EVC2: variants seen among roughly 807,000 people sequenced by gnomAD.
EVC2 encodes EvC ciliary complex subunit 2.
A neutral mutation model predicts 149.3 loss-of-function variants in EVC2; 148 were observed. That is an observed-to-expected ratio of 0.99 (90% CI 0.87 to 1.14). EVC2 has a LOEUF of 1.14. Among genes scored for constraint, EVC2 ranks in the 50% most tolerant of loss-of-function variants. The pLI is 0.00. For missense variants in EVC2, 1,854 were observed against 1,627.3 expected, an observed-to-expected ratio of 1.14 and a Z score of -2.40; for synonymous variants, 776 against 649.9, an observed-to-expected ratio of 1.19 and a Z score of -2.95.
chr4:5,708,802 CCCA>C (rs1560246578), upstream of EVC2: 1 of 322,942 alleles, frequency 3.1e-6, no homozygotes, highest in Non-Finnish European at 5.6e-6. Flanking sequence ...TTACCAGGAC[CCCA>C]AGGGCCCCTC....
At chr4:5,665,278 G>T (rs745973197) in intron 8 of EVC2, among the ~76,000 whole-genome samples, 1 of 152,062 alleles carries the variant, frequency 6.6e-6, no homozygotes, top group Non-Finnish European at 1.5e-5. Context: ...CCTAGGAATC[G>T]CCACTGGACT....
At chr4:5,607,373 A>G (rs758461905) in intron 16 of EVC2, among the ~76,000 whole-genome samples, 1 of 152,266 alleles carries the variant, frequency 6.6e-6, no homozygotes, top group African/African-American at 2.4e-5. Context: ...TAATGCAATC[A>G]TAATAGAAAT....
chr4:5,702,329 C>T (rs1560239724), intron 1 of EVC2, among the ~76,000 whole-genome samples: 1 of 152,198 alleles, frequency 6.6e-6, no homozygotes, highest in African/African-American at 2.4e-5. Context: ...TGATTCCTGC[C>T]TTTTTCCTGC....
intron 12 of EVC2, among the ~76,000 whole-genome samples, chr4:5,628,011 C>A (rs1716241701): frequency 6.6e-6 from 1 of 152,156 alleles, no homozygotes; most frequent in Non-Finnish European, 1.5e-5. Context: ...CAACTATATG[C>A]AACAGTCTAT....
intron 4 of EVC2, among the ~76,000 whole-genome samples, chr4:5,690,579 T>G (rs554058537): frequency 5.9e-5 from 9 of 152,178 alleles, no homozygotes; most frequent in South Asian, 2.1e-4. Context: ...TGACTGAGCC[T>G]GAGAAAAACC....
At chr4:5,704,817 T>C (rs1433434327) in intron 1 of EVC2, among the ~76,000 whole-genome samples, 2 of 152,088 alleles carry the variant, frequency 1.3e-5, no homozygotes, top group African/African-American at 4.8e-5. Context: ...GCCATCTTCC[T>C]GCCTCAGCCT....
chr4:5,621,419 C>T (rs2108836993), intron 14 of EVC2, among the ~76,000 whole-genome samples: 1 of 152,322 alleles, frequency 6.6e-6, no homozygotes, highest in South Asian at 2.1e-4. Flanking sequence ...AGTGGGAAAG[C>T]TGAGGCCCAG....
chr4:5,609,271 T>C (rs777583153), intron 16 of EVC2, among the ~76,000 whole-genome samples: 1 of 152,178 alleles, frequency 6.6e-6, no homozygotes, highest in Non-Finnish European at 1.5e-5. Context: ...CCATGATTAA[T>C]ATCATGATCA....
At chr4:5,678,550 T>C (rs1170745805) in intron 7 of EVC2, among the ~76,000 whole-genome samples, 1 of 152,184 alleles carries the variant, frequency 6.6e-6, no homozygotes, top group Non-Finnish European at 1.5e-5. Flanking sequence ...TTCCTAGAAA[T>C]GCATTGTTAG....
rs1458624099 is a variant in EVC2 at position 5,706,407 on chromosome 4, T to C, written c.228+1879A>G. ...ATAGATAGATACATAGATAGATAGA[T>C]AGATACATAGATAGATAGATACATA... On this transcript the variant is annotated intron_variant, in intron 1 of 21. Transcript: ENST00000344408. 3.5e-5 allele frequency among the ~76,000 whole-genome samples: 5 copies of C among 142,374 alleles called. 1 individual carries two copies. The highest frequency in any genetic ancestry group is 8.0e-5 in the African/African-American group (3 of 37,494). The allele number at this position is 142,374 out of a possible 152,430, so 93.4% of individuals were successfully genotyped here. A position where few individuals can be genotyped will look rare whatever the true frequency, so the allele number is the denominator to read the frequency against.
chr4:5,559,349 A>G (rs1174872271), downstream of EVC2, among the ~76,000 whole-genome samples: 2 of 152,250 alleles, frequency 1.3e-5, no homozygotes, highest in Non-Finnish European at 2.9e-5. This position sits in a 1 kb window ranked among gnomAD's most constrained non-coding sequence, Gnocchi z 5.0. Flanking sequence ...GGACATGTGT[A>G]TATAAACAGG....
At chr4:5,665,900 C>A (rs1437482929) in intron 7 of EVC2, among the ~76,000 whole-genome samples, 2 of 152,204 alleles carry the variant, frequency 1.3e-5, no homozygotes, top group Admixed American at 1.3e-4. Flanking sequence ...ATAGCACCAT[C>A]CAGCCGCACG....
rs1406659335 is a variant in EVC2 at position 5,686,733 on chromosome 4, G to C, written c.707-1254C>G. Among the ~76,000 whole-genome samples, 1 of 151,864 alleles carries C rather than the reference G, an allele frequency of 6.6e-6. No individual in the cohort carries two copies. Among genetic ancestry groups the C allele is most frequent in the East Asian group, 1.9e-4 (1 of 5,178 alleles). ...ATAATGATGAGGTCAGAATGTCAAT[G>C]AACTGGGACCTGACTGGTCATTTGA... On this transcript the variant is annotated intron_variant, in intron 5 of 21. Coordinates refer to ENST00000344408, the MANE Select transcript of EVC2 (RefSeq NM_147127.5). This position sits in a 1 kb window ranked among gnomAD's most constrained non-coding sequence, Gnocchi z 5.4.
rs927084231 is a variant in EVC2, at chr4:5,633,901, T to C, written c.1471-1869A>G. Among the ~76,000 whole-genome samples, 6 of 152,256 alleles carry C rather than the reference T, an allele frequency of 3.9e-5. No homozygotes were observed. Among genetic ancestry groups the C allele is most frequent in the Non-Finnish European group, 8.8e-5 (6 of 68,044 alleles). ...CTCACAGAAGCTCTCAAAGGTGACA[T>C]GCTGATCTCTAGCTTTCTCCGTCTC... On this transcript the variant is annotated intron_variant, in intron 10 of 21. Transcript: ENST00000344408. This position sits in a 1 kb window ranked among gnomAD's most constrained non-coding sequence, Gnocchi z 4.4.
rs955997148 is a variant in EVC2 at position 5,628,883 on chromosome 4, T to C, written c.1711-149A>G. On this transcript the variant is annotated intron_variant, in intron 11 of 21. Coordinates refer to ENST00000344408, the MANE Select transcript of EVC2 (RefSeq NM_147127.5). ...TTAACACCTTTAACCTCCCTGCCTGTAACAAAGGCTTATGAGAAAATTACA... is the reference window on the plus strand; with the variant it reads ...TTAACACCTTTAACCTCCCTGCCTGCAACAAAGGCTTATGAGAAAATTACA... The C allele has an allele frequency of 7.0e-5, 57 of 810,326 alleles. No homozygotes were observed. In the African/African-American group the frequency reaches 9.8e-4, roughly 14 times the overall value. The allele number at this position is 810,326 out of a possible 1,614,324, so 50.2% of individuals were successfully genotyped here.
intron 2 of EVC2, 79 bp from the exon 3 acceptor site, chr4:5,694,580 A>T: frequency 6.5e-7 from 1 of 1,539,310 alleles, no homozygotes; most frequent in African/African-American, 1.4e-5. Flanking sequence ...GAGACAGACT[A>T]CAGGGTACAT....
At chr4:5,573,717 G>A (rs145909502) in intron 19 of EVC2, among the ~76,000 whole-genome samples, 181 of 152,324 alleles carry the variant, frequency 1.2e-3, no homozygotes, top group Non-Finnish European at 2.0e-3. Flanking sequence ...GATAGGAAAC[G>A]AATTCATTCA....
At position 5,679,143 on chromosome 4, in the gene EVC2, G is replaced by A. The variant is rs1720178316; in HGVS notation, c.870+2117C>T. On this transcript the variant is annotated intron_variant, in intron 7 of 21. Coordinates refer to ENST00000344408, the MANE Select transcript of EVC2 (RefSeq NM_147127.5). This position sits in a 1 kb window ranked among gnomAD's most constrained non-coding sequence, Gnocchi z 5.1. ...CAGGTCTGGAAGTTGCTCTGGGCCA[G>A]TCAGTGAGTGAGTGGTGAGTGAATG... 6.6e-6 allele frequency among the ~76,000 whole-genome samples: 1 copy of A among 152,126 alleles called. No individual in the cohort carries two copies. The highest frequency in any genetic ancestry group is 2.4e-5 in the African/African-American group (1 of 41,418).
intron 17 of EVC2, among the ~76,000 whole-genome samples, chr4:5,580,510 T>A (rs1356046484): frequency 6.6e-6 from 1 of 152,206 alleles, no homozygotes; most frequent in Non-Finnish European, 1.5e-5. Flanking sequence ...ACTATGTGTT[T>A]TAGGGCTGTA....
Sources: gnomAD v4.1 joint callset for allele counts (sites outside exome capture counted in the v4.1 genomes callset) on GRCh38, gnomAD v4.1.1 for gene constraint, Gnocchi (gnomAD v3.1) non-coding constraint, MANE v1.5 for transcripts, NCBI Gene and HGNC (gene_info 2026-07-23, HGNC 2026-07-21) for gene names.